The following FRMPD4 variants were observed in gnomAD, a reference collection of about 807,000 sequenced individuals.
FRMPD4 encodes FERM and PDZ domain containing 4, also known as FERM and PDZ domain-containing protein 4.
Under a neutral mutation model 94.1 loss-of-function variants are expected in FRMPD4, and 22 were observed. The ratio of observed to expected loss-of-function variants is 0.23; its 90% confidence interval spans 0.17 to 0.33. FRMPD4 has a LOEUF of 0.33. FRMPD4 is among the 10% of genes least tolerant of loss of function. The pLI is 1.00. For synonymous variants in FRMPD4, 631 were observed against 548.6 expected, an observed-to-expected ratio of 1.15 and a Z score of -2.10; for missense variants, 1,111 against 1,339.9, an observed-to-expected ratio of 0.83 and a Z score of 2.67.
At chrX:12,150,079 A>G (rs1159236291) in intron 1 of FRMPD4, among the ~76,000 whole-genome samples, 1 of 112,872 alleles carries the variant, frequency 8.9e-6, no homozygotes, top group African/African-American at 3.2e-5. Flanking sequence ...TGTAACTTTT[A>G]TATGCACTGG....
chrX:12,696,612 ACT>A (rs1463841263), intron 9 of FRMPD4, among the ~76,000 whole-genome samples: 1 of 106,782 alleles, frequency 9.4e-6, no homozygotes, highest in African/African-American at 3.4e-5. Flanking sequence ...AAAAAGACAC[ACT>A]GTCTTTGAGA....
At chrX:12,696,823 C>T (rs745410445) in intron 9 of FRMPD4, among the ~76,000 whole-genome samples, 3 of 111,307 alleles carry the variant, frequency 2.7e-5, no homozygotes, top group African/African-American at 6.5e-5. Flanking sequence ...AAAAAGTAGG[C>T]GGAAGATGGA....
chrX:12,465,330 A>C (rs1276545853), intron 1 of FRMPD4, among the ~76,000 whole-genome samples: 1 of 111,805 alleles, frequency 8.9e-6, no homozygotes, highest in Admixed American at 9.5e-5. Flanking sequence ...CATAATCCCA[A>C]GCCAGGAAGA....
intron 1 of FRMPD4, among the ~76,000 whole-genome samples, chrX:12,302,776 G>C (rs1167505954): frequency 4.5e-5 from 5 of 112,062 alleles, no homozygotes; most frequent in Non-Finnish European, 9.4e-5. Context: ...ATATCATTAA[G>C]AATATTTAAA....
chrX:11,929,971 G>T (rs1342600656), intron 3 of FRMPD4, among the ~76,000 whole-genome samples: 1 of 107,677 alleles, frequency 9.3e-6, no homozygotes, highest in Non-Finnish European at 1.9e-5. Flanking sequence ...AGCCAGGTTT[G>T]GTGGCATGTG....
chrX:12,459,139 C>T (rs1006024447), intron 1 of FRMPD4, among the ~76,000 whole-genome samples: 3 of 111,046 alleles, frequency 2.7e-5, no homozygotes, highest in Admixed American at 9.5e-5. Flanking sequence ...TGGTGTTAAG[C>T]TCTCAGGGAG....
intron 13 of FRMPD4, among the ~76,000 whole-genome samples, chrX:12,710,050 C>T (rs1157334402): frequency 9.0e-6 from 1 of 111,474 alleles, no homozygotes; most frequent in Non-Finnish European, 1.9e-5. Flanking sequence ...ATCGCTTAAA[C>T]CCAGGAGGTG....
intron 3 of FRMPD4, among the ~76,000 whole-genome samples, chrX:12,043,462 T>C (rs1340242926): frequency 9.0e-6 from 1 of 111,693 alleles, no homozygotes; most frequent in African/African-American, 3.3e-5. Flanking sequence ...AGGTTTGCTC[T>C]AAAGGGTACA....
intron 1 of FRMPD4, among the ~76,000 whole-genome samples, chrX:12,490,834 A>G (rs1360500072): frequency 1.8e-5 from 2 of 111,034 alleles, no homozygotes; most frequent in Admixed American, 1.9e-4. Flanking sequence ...CTGCATATTG[A>G]TTTTTTTTAT....
At chrX:12,635,350 T>A (rs1160311593) in intron 4 of FRMPD4, among the ~76,000 whole-genome samples, 1 of 111,478 alleles carries the variant, frequency 9.0e-6, no homozygotes, top group Non-Finnish European at 1.9e-5. Context: ...GTATCAGGAA[T>A]CCTTTGTTCT....
exon 3 of FRMPD4, among the ~76,000 whole-genome samples, chrX:11,877,924 A>G (rs1028575468): frequency 2.7e-5 from 3 of 111,888 alleles, no homozygotes; most frequent in African/African-American, 9.8e-5. Flanking sequence ...GCTTCCTACC[A>G]TGGAGGAGGA....
chrX:12,242,422 A>G (rs747684721), intron 1 of FRMPD4, among the ~76,000 whole-genome samples: 2 of 112,336 alleles, frequency 1.8e-5, no homozygotes, highest in South Asian at 7.4e-4. Flanking sequence ...AAGAACAATA[A>G]TGTACTTCCA....
intron 1 of FRMPD4, among the ~76,000 whole-genome samples, chrX:12,169,890 G>A (rs1037843208): frequency 1.8e-5 from 2 of 111,827 alleles, no homozygotes; most frequent in African/African-American, 3.2e-5. Flanking sequence ...CAAATGGGTG[G>A]GAGTGGTTGT....
intron 1 of FRMPD4, among the ~76,000 whole-genome samples, chrX:12,471,790 C>T (rs1267148391): frequency 8.9e-6 from 1 of 112,006 alleles, no homozygotes; most frequent in East Asian, 2.8e-4. Context: ...GTTTCACAAC[C>T]TTGGCACTCT....
intron 4 of FRMPD4, among the ~76,000 whole-genome samples, chrX:12,653,797 C>T (rs890961728): frequency 2.7e-5 from 3 of 111,250 alleles, no homozygotes; most frequent in Non-Finnish European, 3.8e-5. Flanking sequence ...GACAGAGTTT[C>T]GCTCTTGTTG....
At chrX:12,388,612 A>T (rs77401928) in intron 1 of FRMPD4, among the ~76,000 whole-genome samples, 1 of 59,670 alleles carries the variant, frequency 1.7e-5, no homozygotes, top group African/African-American at 6.1e-5. Context: ...CAAAAAATTA[A>T]AAAAAAAAAA....
chrX:12,077,089 A>G (rs2055025586), intron 3 of FRMPD4, among the ~76,000 whole-genome samples: 1 of 111,646 alleles, frequency 9.0e-6, no homozygotes. Flanking sequence ...ATGATTTTAC[A>G]GGGCTTATGT....
chrX:12,125,286 T>G (rs1334086039), intron 3 of FRMPD4, among the ~76,000 whole-genome samples: 5 of 112,245 alleles, frequency 4.5e-5, no homozygotes, highest in African/African-American at 1.6e-4. Context: ...TCCTGAGATA[T>G]CAGTCAACTG....
intron 3 of FRMPD4, among the ~76,000 whole-genome samples, chrX:12,037,235 A>C (rs2054725203): frequency 9.0e-6 from 1 of 111,424 alleles, no homozygotes; most frequent in African/African-American, 3.3e-5. Flanking sequence ...CTACTTCTAT[A>C]CCTGTGTTTT....
Sources: allele counts gnomAD v4.1 joint callset (sites outside exome capture counted in the v4.1 genomes callset), GRCh38; gene constraint gnomAD v4.1.1; transcripts MANE v1.5; gene names NCBI Gene and HGNC (gene_info 2026-07-23, HGNC 2026-07-21).